WNT4: variants seen among roughly 807,000 people sequenced by gnomAD.
WNT4 encodes Wnt family member 4.
In WNT4, 16 loss-of-function variants were observed where a neutral mutation model predicts 34.5. That is an observed-to-expected ratio of 0.46 (90% CI 0.31 to 0.70). The LOEUF is 0.70. WNT4 is among the 30% of genes least tolerant of loss of function. The probability of loss-of-function intolerance (pLI) is 0.04; values close to 1 mark genes in which losing one functional copy is unlikely to be tolerated. For synonymous variants in WNT4, 200 were observed against 211.9 expected (o/e 0.94, Z 0.49); for missense variants, 379 against 495.9 (o/e 0.76, Z 2.24).
intron 2 of WNT4, among the ~76,000 whole-genome samples, chr1:22,125,864 C>T (rs1205324601): frequency 6.6e-6 from 1 of 152,146 alleles, no homozygotes; most frequent in East Asian, 1.9e-4. Flanking sequence ...TTGGTTCATT[C>T]GATATTTGTT....
intron 2 of WNT4, among the ~76,000 whole-genome samples, chr1:22,122,241 G>C (rs1190329752): frequency 1.3e-5 from 2 of 152,140 alleles, no homozygotes; most frequent in Non-Finnish European, 2.9e-5. Context: ...CTAATTAGGA[G>C]ATACCTATTA....
At chr1:22,129,588 C>T (rs1462776196) in intron 2 of WNT4, 28 bp downstream of exon 2, 1 of 1,603,838 alleles carries the variant, frequency 6.2e-7, no homozygotes, top group African/African-American at 1.3e-5. Context: ...CGCAGGCTCC[C>T]CTGCAGCCCC....
chr1:22,137,535 G>T lies in WNT4; in HGVS notation c.77+5311C>A, dbSNP rs566330449. On this transcript the variant is annotated intron_variant, in intron 1 of 4. Transcript: ENST00000290167. This position sits in a 1 kb window ranked among gnomAD's most constrained non-coding sequence, Gnocchi z 5.3. ...GGCAGGAACAAGAGGAGGAGGCTTG[G>T]TGCAAATGCTCAGCTTTCCCAGTGT... 6.6e-6 allele frequency among the ~76,000 whole-genome samples: 1 copy of T among 152,352 alleles called. No individual in the cohort carries two copies. Among genetic ancestry groups the T allele is most frequent in the South Asian group, 2.1e-4 (1 of 4,832 alleles).
At position 22,139,450 on chromosome 1, in the gene WNT4, G is replaced by A. The variant is rs942169376; in HGVS notation, c.77+3396C>T. 5.9e-5 allele frequency among the ~76,000 whole-genome samples: 9 copies of A among 152,142 alleles called. No homozygotes were observed. Among genetic ancestry groups the A allele is most frequent in the African/African-American group, 1.2e-4 (5 of 41,406 alleles). On this transcript the variant is annotated intron_variant, in intron 1 of 4. Transcript: ENST00000290167. The surrounding 1 kb of genome is among the most constrained non-coding windows in gnomAD (Gnocchi z 4.6). ...CACTCAGCTGGGCAGGGCAGAGCTC[G>A]GTTGGATCTCAAAGACCCACTTCTT...
Position 22,120,325 on chromosome 1 carries a change from G to C in WNT4, c.781C>G (p.Gln261Glu). ...TCCTCATCTGTGTGCGGCTTGAACT[G>C]TGCGTTGCGTGGCACCAGTGCCCTG... The part of the protein sequence containing the change: ...SSRALVPRNA[Q>E]FKPHTDEDLV... Residue 261 changes from glutamine (Q) to glutamate (E), a missense_variant, in exon 5 of 5, where the codon CAG becomes GAG. This residue lies in a region of WNT4 where 313 missense variants were observed against 445.8 expected (regional missense o/e 0.70). Coordinates refer to ENST00000290167, the MANE Select transcript of WNT4 (RefSeq NM_030761.5). The C allele has an allele frequency of 6.2e-7, 1 of 1,614,230 alleles. No homozygotes were observed. Among genetic ancestry groups the C allele is most frequent in the Non-Finnish European group, 8.5e-7 (1 of 1,180,046 alleles).
intron 1 of WNT4, among the ~76,000 whole-genome samples, chr1:22,132,155 G>A (rs1645989237): frequency 6.6e-6 from 1 of 152,202 alleles, no homozygotes; most frequent in Non-Finnish European, 1.5e-5. Context: ...GGGGGGACAA[G>A]GAATTGAGCC....
intron 1 of WNT4, among the ~76,000 whole-genome samples, chr1:22,132,553 C>T (rs1466251328): frequency 6.6e-6 from 1 of 152,200 alleles, no homozygotes; most frequent in African/African-American, 2.4e-5. Flanking sequence ...GCCTGCTGGC[C>T]CCATGCCAGG....
At position 22,120,346 on chromosome 1, in the gene WNT4, C is replaced by T. The variant is rs763133233; in HGVS notation, c.760G>A (p.Ala254Thr). ...AACTGTGCGTTGCGTGGCACCAGTG[C>T]CCTGGAGGAGCCCACGCGGCGTGGC... ...VEPRRVGSSRALVPRNAQFKP... is the reference protein window; with the variant it reads ...VEPRRVGSSRTLVPRNAQFKP... The change falls in exon 5 of 5, where the codon GCA (alanine) becomes ACA (threonine). Residue 254 changes from alanine (A) to threonine (T), a missense_variant. Physicochemically the swap from Ala to Thr is moderately conservative, Grantham distance 58. Transcript: ENST00000290167. The T allele has an allele frequency of 6.2e-7, 1 of 1,614,234 alleles. No individual in the cohort carries two copies. Among genetic ancestry groups the T allele is most frequent in the Non-Finnish European group, 8.5e-7 (1 of 1,180,046 alleles).
At position 22,119,228 on chromosome 1, in the gene WNT4, G is replaced by GTGTGTT. The variant is rs35917567; in HGVS notation, c.*821_*822insAACACA. 0.17 allele frequency: 19,895 copies of GTGTGTT among 119,970 alleles called. 2,270 individuals carry two copies. The highest frequency in any genetic ancestry group is 0.29 in the East Asian group (1,238 of 4,296). The allele number at this position is 119,970 out of a possible 1,614,324, so 7.4% of individuals were successfully genotyped here. A position where few individuals can be genotyped will look rare whatever the true frequency, so the allele number is the denominator to read the frequency against. On this transcript the variant is annotated 3_prime_UTR_variant, in exon 5 of 5. Transcript: ENST00000290167. ...TGTGTGTGTGTGTGTGTGTGTGTGT[G>GTGTGTT]TTTCAGTTTCATGGAGGAACAGCGC...
intron 2 of WNT4, among the ~76,000 whole-genome samples, chr1:22,123,438 G>A (rs1645917237): frequency 6.6e-6 from 1 of 152,112 alleles, no homozygotes; most frequent in African/African-American, 2.4e-5. Flanking sequence ...CAAGAACACT[G>A]GAGTTTTCTC....
At position 22,118,489 on chromosome 1, in the gene WNT4, A is replaced by C. The variant is rs1283563663; in HGVS notation, c.*1561T>G. On this transcript the variant is annotated 3_prime_UTR_variant, in exon 5 of 5. Coordinates refer to ENST00000290167, the MANE Select transcript of WNT4 (RefSeq NM_030761.5). ...GGGCTCGTGATGGTTTGGCGGTTGT[A>C]CAGGGTCAGGCCCAGGTTGCTGGTG... 3.3e-5 allele frequency: 5 copies of C among 152,318 alleles called. No individual in the cohort carries two copies. The highest frequency in any genetic ancestry group is 1.2e-4 in the African/African-American group (5 of 41,432). The allele number at this position is 152,318 out of a possible 1,614,324, so 9.4% of individuals were successfully genotyped here. A position where few individuals can be genotyped will look rare whatever the true frequency, so the allele number is the denominator to read the frequency against.
chr1:22,138,960 T>C (rs546377189), intron 1 of WNT4, among the ~76,000 whole-genome samples: 2 of 152,314 alleles, frequency 1.3e-5, no homozygotes, highest in Admixed American at 6.5e-5. Flanking sequence ...GCATGATGCG[T>C]CCTTCACTGC....
rs1645899671 is a variant in WNT4, at chr1:22,121,661, C to A, written c.314-85G>T. The A allele has an allele frequency of 1.8e-5, 28 of 1,560,978 alleles. No homozygotes were observed. In the South Asian group the frequency reaches 3.1e-4, roughly 17 times the overall value. ...TGTAGAGGGGGAGGGGCATATGGAG[C>A]CTCCTGCTTGCTGGAGGCCAGGAGG... On this transcript the variant is annotated intron_variant, in intron 2 of 4. Coordinates refer to ENST00000290167, the MANE Select transcript of WNT4 (RefSeq NM_030761.5).
At position 22,141,405 on chromosome 1, in the gene WNT4, A is replaced by T. The variant is rs201293148; in HGVS notation, c.77+1441T>A. Among the ~76,000 whole-genome samples, 4 of 151,982 alleles carry T rather than the reference A, an allele frequency of 2.6e-5. No homozygotes were observed. In the East Asian group the frequency reaches 7.7e-4, roughly 29 times the overall value. On this transcript the variant is annotated intron_variant, in intron 1 of 4. Coordinates refer to ENST00000290167, the MANE Select transcript of WNT4 (RefSeq NM_030761.5). ...ATGCATTCAAGAACCAGCTCCAGGGACACCCAGGGTCCTCCAAGTCCAAAT... is the reference window on the plus strand; with the variant it reads ...ATGCATTCAAGAACCAGCTCCAGGGTCACCCAGGGTCCTCCAAGTCCAAAT...
At position 22,129,810 on chromosome 1, in the gene WNT4, T is replaced by C; in HGVS notation, c.119A>G (p.Glu40Gly). The change falls in exon 2 of 5, where the codon GAG becomes GGG. Residue 40 changes from glutamate to glycine, a missense_variant. This residue lies in a region of WNT4 where 66 missense variants were observed against 50.1 expected (regional missense o/e 1.32). Coordinates refer to ENST00000290167, the MANE Select transcript of WNT4 (RefSeq NM_030761.5). ...GCCCTTGAGTTTCTCGCACGTCTCC[T>C]CCTCTGAGATGCTCCCCACCGACGA... ...KLSSVGSISE[E>G]ETCEKLKGLI... The C allele has an allele frequency of 3.1e-6, 5 of 1,613,958 alleles. No individual in the cohort carries two copies. Among genetic ancestry groups the C allele is most frequent in the Non-Finnish European group, 4.2e-6 (5 of 1,180,020 alleles).
Position 22,142,735 on chromosome 1 carries a change from G to T in WNT4, c.77+111C>A. 1 of 762,572 alleles carries T rather than the reference G, an allele frequency of 1.3e-6. No homozygotes were observed. Among genetic ancestry groups the T allele is most frequent in the Non-Finnish European group, 1.6e-6 (1 of 627,432 alleles). 47.2% of individuals were successfully genotyped at this position (762,572 alleles called of 1,614,324 possible). A position where few individuals can be genotyped will look rare whatever the true frequency, so the allele number is the denominator to read the frequency against. ...AGCGAGCCTCCGGTCCCGCGGCCGA[G>T]ACACCTGCCGGGCTGCCCCGCGCCC... On this transcript the variant is annotated intron_variant, in intron 1 of 4. Transcript: ENST00000290167. This position sits in a 1 kb window ranked among gnomAD's most constrained non-coding sequence, Gnocchi z 6.0.
In WNT4 at chr1:22,137,262, G is replaced by A. The variant is rs1486200920; in HGVS notation, c.77+5584C>T. Among the ~76,000 whole-genome samples, 3 of 152,208 alleles carry A rather than the reference G, an allele frequency of 2.0e-5. No individual in the cohort carries two copies. Among genetic ancestry groups the A allele is most frequent in the Non-Finnish European group, 2.9e-5 (2 of 68,034 alleles). ...GGGGAGGGGGAGCTGGTGGGGTCACGGCAGGGAGCGAGCCGTCCCGAGTTT... is the reference window on the plus strand; with the variant it reads ...GGGGAGGGGGAGCTGGTGGGGTCACAGCAGGGAGCGAGCCGTCCCGAGTTT... On this transcript the variant is annotated intron_variant, in intron 1 of 4. Coordinates refer to ENST00000290167, the MANE Select transcript of WNT4 (RefSeq NM_030761.5). This position sits in a 1 kb window ranked among gnomAD's most constrained non-coding sequence, Gnocchi z 5.3.
In WNT4 at chr1:22,121,563, C is replaced by G; in HGVS notation, c.327G>C (p.Ala109=). 6.2e-7 allele frequency: 1 copy of G among 1,613,426 alleles called. No individual in the cohort carries two copies. Among genetic ancestry groups the G allele is most frequent in the Non-Finnish European group, 8.5e-7 (1 of 1,180,010 alleles). The stretch of plus-strand genomic sequence containing the variant: ...CCGAAGAGATGGCGTACACGAAGGC[C>G]GCCTCCCGAGTCCCTGTGGGAGGCA... ...GKVVTQGTRE[A]AFVYAISSAG... is the part of the protein sequence containing the mutation. Residue 109 remains alanine, a synonymous_variant, in exon 3 of 5, where the codon GCG becomes GCC. Coordinates refer to ENST00000290167, the MANE Select transcript of WNT4 (RefSeq NM_030761.5).
At chr1:22,121,169 C>T in intron 4 of WNT4, 42 bp downstream of exon 4, 4 of 1,612,172 alleles carry the variant, frequency 2.5e-6, no homozygotes, top group Non-Finnish European at 3.4e-6. Flanking sequence ...CCTGCCCATG[C>T]TATCCCTACC....
Sources: allele counts gnomAD v4.1 joint callset (sites outside exome capture counted in the v4.1 genomes callset), GRCh38; gene constraint gnomAD v4.1.1; regional missense constraint gnomAD v4.1.1; non-coding constraint Gnocchi (gnomAD v3.1); transcripts MANE v1.5; gene names NCBI Gene and HGNC (gene_info 2026-07-23, HGNC 2026-07-21).